Variants in GMCL1 observed in about 807,000 individuals in gnomAD.
GMCL1 encodes germ cell-less protein-like 1.
A neutral mutation model predicts 75.5 loss-of-function variants in GMCL1; 54 were observed. The observed-to-expected ratio is 0.71, with a 90% CI of 0.57 to 0.90. The LOEUF is 0.90. Among genes scored for constraint, GMCL1 ranks in the 40% least tolerant of loss-of-function variants. GMCL1 has a pLI of 0.00. For missense variants in GMCL1, 537 were observed against 622.7 expected, an observed-to-expected ratio of 0.86 and a Z score of 1.47; for synonymous variants, 210 against 209.6, an observed-to-expected ratio of 1.00 and a Z score of -0.02.
At chr2:69,840,789 C>T (rs1381461342) in intron 3 of GMCL1, among the ~76,000 whole-genome samples, 153 bp from the exon 4 acceptor site, 3 of 152,216 alleles carry the variant, frequency 2.0e-5, no homozygotes, top group Admixed American at 6.5e-5. Flanking sequence ...CCATTACTAG[C>T]GTTTTAATTA....
intron 13 of GMCL1, among the ~76,000 whole-genome samples, chr2:69,872,417 T>A (rs906060635): frequency 7.2e-5 from 11 of 152,202 alleles, no homozygotes; most frequent in Non-Finnish European, 1.5e-4. Flanking sequence ...GTTAAAATAT[T>A]GAGGAACTTT....
chr2:69,829,866 C>T lies in GMCL1; in HGVS notation c.-27C>T. On this transcript the variant is annotated 5_prime_UTR_variant, in exon 1 of 14. Transcript: ENST00000282570. ...GGCGGGAGACCCCCTTCTCTGGGCTCCCTGAAGTCTCGGGGAGCCGTGACC... is the reference window on the plus strand; with the variant it reads ...GGCGGGAGACCCCCTTCTCTGGGCTTCCTGAAGTCTCGGGGAGCCGTGACC... The T allele has an allele frequency of 1.3e-6, 2 of 1,548,722 alleles. 1 individual carries two copies. The highest frequency in any genetic ancestry group is 2.4e-5 in the South Asian group (2 of 82,780).
At chr2:69,871,676 A>G (rs3214007) in intron 12 of GMCL1, 69 bp from the exon 13 acceptor site, 401,525 of 781,114 alleles carry the variant, frequency 0.51, 109,947 homozygotes, top group African/African-American at 0.87. Context: ...ATATGAAAGT[A>G]AGGAAGAGCT....
intron 13 of GMCL1, among the ~76,000 whole-genome samples, chr2:69,872,441 G>T (rs1177083738): frequency 6.6e-6 from 1 of 152,166 alleles, no homozygotes; most frequent in East Asian, 1.9e-4. Flanking sequence ...TCTATTAAAA[G>T]TAATCATCAT....
At chr2:69,862,253 G>C (rs1396873207) in intron 10 of GMCL1, among the ~76,000 whole-genome samples, 1 of 151,964 alleles carries the variant, frequency 6.6e-6, no homozygotes. Context: ...TTTTTGCCCT[G>C]ATCTCTTTGA....
chr2:69,876,435 T>C (rs1400964231), intron 13 of GMCL1, among the ~76,000 whole-genome samples: 1 of 152,190 alleles, frequency 6.6e-6, no homozygotes, highest in Non-Finnish European at 1.5e-5. Context: ...GACATAGTGT[T>C]GGTGATGGTG....
At chr2:69,874,010 C>T (rs1434177689) in intron 13 of GMCL1, among the ~76,000 whole-genome samples, 2 of 150,808 alleles carry the variant, frequency 1.3e-5, no homozygotes, top group Non-Finnish European at 2.9e-5. Flanking sequence ...ATATTCACAG[C>T]ATCATTTTTA....
At chr2:69,839,374 A>G (rs1674914189) in intron 2 of GMCL1, 83 bp from the exon 3 acceptor site, 2 of 759,258 alleles carry the variant, frequency 2.6e-6, no homozygotes, top group East Asian at 5.0e-5. Flanking sequence ...TGGATAGAAT[A>G]GTTGCTTAGA....
At chr2:69,838,340 A>C (rs1046192318) in intron 2 of GMCL1, among the ~76,000 whole-genome samples, 6 of 142,018 alleles carry the variant, frequency 4.2e-5, no homozygotes, top group African/African-American at 1.7e-4. Flanking sequence ...CTGTCTCAAA[A>C]AAAAAAAAAA....
chr2:69,865,039 T>C, intron 11 of GMCL1, 64 bp downstream of exon 11: 19 of 1,189,704 alleles, frequency 1.6e-5, no homozygotes, highest in Non-Finnish European at 2.1e-5. Flanking sequence ...ATCCTGCACC[T>C]GTAAGTAGTA....
rs1389046992 is a variant in GMCL1, at chr2:69,829,696, T to A, written c.-197T>A. 2 of 610,958 alleles carry A rather than the reference T, an allele frequency of 3.3e-6. No homozygotes were observed. The highest frequency in any genetic ancestry group is 5.5e-6 in the Non-Finnish European group (2 of 360,434). 37.8% of individuals were successfully genotyped at this position (610,958 alleles called of 1,614,324 possible). ...AAAGCGAGGGGGCGAGGTGCTGCGG[T>A]GCTAGAGCGCGGCGCGACCGGACGC... On this transcript the variant is annotated 5_prime_UTR_variant, in exon 1 of 14. Coordinates refer to ENST00000282570, the MANE Select transcript of GMCL1 (RefSeq NM_178439.5).
At chr2:69,855,288 A>T (rs966758262) in intron 9 of GMCL1, among the ~76,000 whole-genome samples, 1 of 152,136 alleles carries the variant, frequency 6.6e-6, no homozygotes, top group East Asian at 1.9e-4. Flanking sequence ...TTTAAAGATC[A>T]TAAGTGATTT....
At chr2:69,869,901 C>G in intron 12 of GMCL1, 37 bp downstream of exon 12, 2 of 1,587,408 alleles carry the variant, frequency 1.3e-6, no homozygotes. Flanking sequence ...CCTCCTCACT[C>G]CAGAGAAAAT....
intron 9 of GMCL1, 21 bp downstream of exon 9, chr2:69,854,981 A>G (rs1675429251): frequency 6.6e-7 from 1 of 1,521,516 alleles, no homozygotes; most frequent in East Asian, 2.3e-5. Context: ...ATAATTTGTA[A>G]TTTTAAGTAA....
At chr2:69,845,216 C>T (rs908411702) in intron 6 of GMCL1, among the ~76,000 whole-genome samples, 1 of 152,236 alleles carries the variant, frequency 6.6e-6, no homozygotes, top group Non-Finnish European at 1.5e-5. Context: ...CGCCTTCGTC[C>T]TCAAGCGGGA....
intron 1 of GMCL1, 151 bp from the exon 2 acceptor site, chr2:69,837,396 G>A (rs1371587214): frequency 3.1e-6 from 2 of 640,690 alleles, no homozygotes; most frequent in Non-Finnish European, 4.9e-6. Context: ...AAGAAAATTT[G>A]AATATATACT....
In GMCL1 at chr2:69,843,278, G is replaced by C; in HGVS notation, c.692+17G>C. The C allele has an allele frequency of 7.3e-7, 1 of 1,364,302 alleles. No homozygotes were observed. 84.5% of individuals were successfully genotyped at this position (1,364,302 alleles called of 1,614,324 possible). A position where few individuals can be genotyped will look rare whatever the true frequency, so the allele number is the denominator to read the frequency against. On this transcript the variant is annotated intron_variant, in intron 5 of 13. Transcript: ENST00000282570. Reference sequence around the variant, plus strand: ...AAAGAAAAAGTGAGTTGCCTTTCTTGTTTTTCTTCCTATCCCACTTTTAGG... The same window carrying C: ...AAAGAAAAAGTGAGTTGCCTTTCTTCTTTTTCTTCCTATCCCACTTTTAGG...
chr2:69,840,495 T>C (rs1172866149), intron 3 of GMCL1, among the ~76,000 whole-genome samples: 1 of 151,888 alleles, frequency 6.6e-6, no homozygotes, highest in Non-Finnish European at 1.5e-5. Context: ...CAGGCATAGA[T>C]CACTGTGGGG....
intron 12 of GMCL1, among the ~76,000 whole-genome samples, chr2:69,870,538 G>T (rs1416088710): frequency 6.6e-6 from 1 of 152,114 alleles, no homozygotes; most frequent in Non-Finnish European, 1.5e-5. Context: ...ACAAACTTGT[G>T]TATCAGAGGA....
Sources: gnomAD v4.1 joint callset for allele counts (sites outside exome capture counted in the v4.1 genomes callset) on GRCh38, gnomAD v4.1.1 for gene constraint, MANE v1.5 for transcripts, NCBI Gene and HGNC (gene_info 2026-07-23, HGNC 2026-07-21) for gene names.